The following PTPRO variants were observed in gnomAD, a reference collection of about 807,000 sequenced individuals.
PTPRO encodes the protein receptor-type tyrosine-protein phosphatase O.
A neutral mutation model predicts 145.2 loss-of-function variants in PTPRO; 62 were observed. That is an observed-to-expected ratio of 0.43 (90% CI 0.35 to 0.53). PTPRO has a LOEUF of 0.53. PTPRO is among the 20% of genes least tolerant of loss of function. The probability of loss-of-function intolerance (pLI) is 0.01; values close to 1 mark genes in which losing one functional copy is unlikely to be tolerated. For synonymous variants in PTPRO, 565 were observed against 514.7 expected (o/e 1.10, Z -1.32); for missense variants, 1,345 against 1,482.7 (o/e 0.91, Z 1.53).
chr12:15,454,960 A>G (rs1183624834), intron 1 of PTPRO, among the ~76,000 whole-genome samples: 1 of 152,140 alleles, frequency 6.6e-6, no homozygotes, highest in East Asian at 1.9e-4. Context: ...TGCTAGTTGA[A>G]TTTTGATTAC....
At chr12:15,420,051 G>T (rs573452382) in intron 1 of PTPRO, among the ~76,000 whole-genome samples, 1 of 150,822 alleles carries the variant, frequency 6.6e-6, no homozygotes, top group South Asian at 2.1e-4. Flanking sequence ...GGAGGCTGAG[G>T]CAGGAGAACG....
intron 3 of PTPRO, 147 bp from the exon 4 acceptor site, chr12:15,499,295 C>T (rs1942170332): frequency 1.2e-6 from 1 of 805,632 alleles, no homozygotes; most frequent in Middle Eastern, 3.7e-4. Flanking sequence ...CATCTCTAGC[C>T]TTCTACTAAC....
intron 1 of PTPRO, among the ~76,000 whole-genome samples, chr12:15,326,739 T>C (rs1173764623): frequency 6.6e-6 from 1 of 152,216 alleles, no homozygotes; most frequent in Non-Finnish European, 1.5e-5. Flanking sequence ...TTGTAATTGG[T>C]AGCAGTGTGG....
intron 1 of PTPRO, among the ~76,000 whole-genome samples, chr12:15,445,182 T>C (rs1322300585): frequency 6.6e-6 from 1 of 152,120 alleles, no homozygotes; most frequent in Non-Finnish European, 1.5e-5. Context: ...TAATAGTGGT[T>C]ACTTCTGGGT....
chr12:15,507,822 G>T (rs954036616), intron 6 of PTPRO, among the ~76,000 whole-genome samples: 5 of 152,318 alleles, frequency 3.3e-5, no homozygotes, highest in African/African-American at 1.2e-4. Context: ...AAGGAGCTGA[G>T]AATGCATCCT....
chr12:15,493,919 C>T (rs999121400), intron 2 of PTPRO, among the ~76,000 whole-genome samples: 9 of 152,018 alleles, frequency 5.9e-5, no homozygotes, highest in African/African-American at 1.4e-4. Context: ...AGTTGCAAAA[C>T]GGACACTAAA....
At chr12:15,364,386 C>T (rs1565587821) in intron 1 of PTPRO, among the ~76,000 whole-genome samples, 1 of 152,170 alleles carries the variant, frequency 6.6e-6, no homozygotes. Context: ...GTAGTAAAAA[C>T]TCTCACAGGA....
intron 10 of PTPRO, among the ~76,000 whole-genome samples, chr12:15,522,414 C>T (rs1247934783): frequency 2.6e-5 from 4 of 151,976 alleles, no homozygotes; most frequent in African/African-American, 7.2e-5. Context: ...TCTCCCTCCC[C>T]TTGCCCCCAC....
intron 1 of PTPRO, among the ~76,000 whole-genome samples, chr12:15,417,731 T>C (rs1940022711): frequency 6.6e-6 from 1 of 151,792 alleles, no homozygotes; most frequent in African/African-American, 2.4e-5. Flanking sequence ...GCTTAACCAG[T>C]GTGACTAAAG....
At chr12:15,517,822 A>G (rs11615050) in intron 9 of PTPRO, among the ~76,000 whole-genome samples, 66,109 of 152,064 alleles carry the variant, frequency 0.43, 14,926 homozygotes, top group African/African-American at 0.55. Context: ...TTCCACTCCT[A>G]TGGCTTTGCA....
intron 1 of PTPRO, among the ~76,000 whole-genome samples, chr12:15,375,292 A>G (rs960024159): frequency 4.6e-5 from 7 of 152,204 alleles, no homozygotes; most frequent in Non-Finnish European, 1.0e-4. Context: ...TACACAGGGG[A>G]AAAGAAATTG....
chr12:15,385,326 G>A (rs535240177), intron 1 of PTPRO, among the ~76,000 whole-genome samples: 1 of 152,244 alleles, frequency 6.6e-6, no homozygotes, highest in African/African-American at 2.4e-5. Flanking sequence ...TAACGTTGAT[G>A]CTTCCTCACA....
intron 1 of PTPRO, among the ~76,000 whole-genome samples, chr12:15,423,756 A>T (rs879521200): frequency 2.0e-5 from 3 of 152,214 alleles, no homozygotes; most frequent in African/African-American, 4.8e-5. Flanking sequence ...CACAAGTAAT[A>T]GGATAATCAC....
chr12:15,348,318 G>A (rs1486852682), intron 1 of PTPRO: 1 of 152,260 alleles, frequency 6.6e-6, no homozygotes, highest in Non-Finnish European at 1.5e-5. Context: ...AAGGTATGCA[G>A]GCAGTGGAAG....
At chr12:15,425,415 A>C (rs762912595) in intron 1 of PTPRO, among the ~76,000 whole-genome samples, 31 of 152,176 alleles carry the variant, frequency 2.0e-4, no homozygotes, top group Non-Finnish European at 4.1e-4. Context: ...GGTAGGTGTG[A>C]GGCCAGGGAA....
intron 1 of PTPRO, among the ~76,000 whole-genome samples, chr12:15,343,513 C>A (rs553501980): frequency 4.0e-5 from 6 of 151,860 alleles, no homozygotes; most frequent in Admixed American, 2.0e-4. Flanking sequence ...ATGGCGAGAC[C>A]CCTATCTCTA....
At chr12:15,589,432 G>C in intron 24 of PTPRO, 23 bp from the exon 25 acceptor site, 1 of 1,613,434 alleles carries the variant, frequency 6.2e-7, no homozygotes, top group South Asian at 1.1e-5. Flanking sequence ...TGAATAATAT[G>C]CCATCGGAAC....
rs1478531050 is a variant in PTPRO, at chr12:15,515,633, A to G, written c.1585+15A>G. On this transcript the variant is annotated intron_variant, in intron 8 of 26. Coordinates refer to ENST00000281171, the MANE Select transcript of PTPRO (RefSeq NM_030667.3). The stretch of plus-strand genomic sequence containing the variant: ...ATTTGCTATTGGTAAGTTGCTAGCC[A>G]CAAGAAGAATGACTGACCTATATAT... The G allele has an allele frequency of 1.2e-6, 2 of 1,614,052 alleles. No homozygotes were observed. Among genetic ancestry groups the G allele is most frequent in the Admixed American group, 1.7e-5 (1 of 60,020 alleles).
In PTPRO at chr12:15,500,903, CAGAG is replaced by C. The variant is rs561797683; in HGVS notation, c.662-711_662-708del. Among the ~76,000 whole-genome samples the C allele has an allele frequency of 1.6e-3, 242 of 152,224 alleles. 1 individual carries two copies. Among genetic ancestry groups the C allele is most frequent in the African/African-American group, 5.3e-3 (219 of 41,536 alleles). ...CGTCATTGCACTCTAGCCTGGGCAA[CAGAG>C]AGAGATACTGTCTCAAAATAAAAAT... On this transcript the variant is annotated intron_variant, in intron 4 of 26. Coordinates refer to ENST00000281171, the MANE Select transcript of PTPRO (RefSeq NM_030667.3).
Sources: gnomAD v4.1 joint callset for allele counts (sites outside exome capture counted in the v4.1 genomes callset) on GRCh38, gnomAD v4.1.1 for gene constraint, MANE v1.5 for transcripts, NCBI Gene and HGNC (gene_info 2026-07-23, HGNC 2026-07-21) for gene names.